Variants in ITGA9 observed in about 807,000 individuals in gnomAD.
ITGA9 encodes the protein integrin alpha-9.
ITGA9 carries 56 observed loss-of-function variants against 127.8 expected under a neutral mutation model. The observed-to-expected ratio is 0.44, with a 90% CI of 0.35 to 0.55. The LOEUF is 0.55. Ranked by LOEUF, ITGA9 falls within the 20% of genes least tolerant of loss-of-function variation. The pLI, the probability that ITGA9 is intolerant of heterozygous loss-of-function variation, is 0.00. For missense variants in ITGA9, 1,196 were observed against 1,347.1 expected (o/e 0.89, Z 1.76); for synonymous variants, 508 against 514.5 (o/e 0.99, Z 0.17).
intron 5 of ITGA9, among the ~76,000 whole-genome samples, chr3:37,498,366 G>GGAGATGTTGACA (rs1281826644): frequency 2.6e-5 from 4 of 152,162 alleles, no homozygotes; most frequent in African/African-American, 9.7e-5. Context: ...AGAACTCAAC[G>GGAGATGTTGACA]GAGATGTTGA....
intron 23 of ITGA9, among the ~76,000 whole-genome samples, chr3:37,755,416 G>T: frequency 6.6e-6 from 1 of 152,146 alleles, no homozygotes; most frequent in South Asian, 2.1e-4. Flanking sequence ...CAACACCAGG[G>T]CAGAGAGGCA....
intron 1 of ITGA9, among the ~76,000 whole-genome samples, chr3:37,464,044 T>C (rs144776745): frequency 9.2e-5 from 14 of 152,168 alleles, no homozygotes; most frequent in Non-Finnish European, 1.6e-4. Context: ...GATACAAGGA[T>C]CAGTGACAAG....
At chr3:37,498,945 T>G (rs749786553) in intron 5 of ITGA9, among the ~76,000 whole-genome samples, 5 of 152,246 alleles carry the variant, frequency 3.3e-5, no homozygotes, top group Non-Finnish European at 7.3e-5. Flanking sequence ...CCACTTGGGC[T>G]TGCCTTTTCT....
chr3:37,819,096 C>A lies in ITGA9; in HGVS notation c.*107C>A. ...TTCTCCAGATTTTTCGGAGGCCCCA[C>A]TGATGCTGTTCTCTTCTTCATTCTA... On this transcript the variant is annotated 3_prime_UTR_variant, in exon 28 of 28. Coordinates refer to ENST00000264741, the MANE Select transcript of ITGA9 (RefSeq NM_002207.3). The A allele has an allele frequency of 2.4e-6, 2 of 845,878 alleles. No homozygotes were observed. The highest frequency in any genetic ancestry group is 4.0e-6 in the Non-Finnish European group (2 of 502,860). 52.4% of individuals were successfully genotyped at this position (845,878 alleles called of 1,614,324 possible).
chr3:37,784,973 A>T lies in ITGA9; in HGVS notation c.2788-4A>T. 6.2e-7 allele frequency: 1 copy of T among 1,611,336 alleles called. No individual in the cohort carries two copies. The highest frequency in any genetic ancestry group is 8.5e-7 in the Non-Finnish European group (1 of 1,177,448). Reference sequence around the variant, plus strand: ...TCAAGTAAGTTGTGTTGTTTCTTCCACAGGACAGTTCGTCTGTCATCCAGT... The same window carrying T: ...TCAAGTAAGTTGTGTTGTTTCTTCCTCAGGACAGTTCGTCTGTCATCCAGT... On this transcript the variant is annotated splice_region_variant and splice_polypyrimidine_tract_variant and intron_variant, in intron 25 of 27. Coordinates refer to ENST00000264741, the MANE Select transcript of ITGA9 (RefSeq NM_002207.3).
intron 1 of ITGA9, among the ~76,000 whole-genome samples, chr3:37,466,483 C>CAAAAAAAAAA (rs60980366): frequency 0.019 from 484 of 26,056 alleles, 136 homozygotes; most frequent in African/African-American, 0.022. Flanking sequence ...GACACCATCT[C>CAAAAAAAAAA]AAAAAAAAAA....
At chr3:37,690,645 A>C (rs1700822609) in intron 18 of ITGA9, among the ~76,000 whole-genome samples, 1 of 152,188 alleles carries the variant, frequency 6.6e-6, no homozygotes, top group Non-Finnish European at 1.5e-5. Flanking sequence ...TGCAAACAGG[A>C]TGCAACAGCT....
At chr3:37,532,894 G>A (rs1397043744) in intron 13 of ITGA9, among the ~76,000 whole-genome samples, 1 of 152,206 alleles carries the variant, frequency 6.6e-6, no homozygotes, top group African/African-American at 2.4e-5. Context: ...GGCAGCAAAT[G>A]CTTGAGGGAA....
chr3:37,778,741 CT>C (rs11356780), intron 24 of ITGA9, among the ~76,000 whole-genome samples: 56,314 of 151,754 alleles, frequency 0.37, 11,034 homozygotes, highest in Non-Finnish European at 0.43. Context: ...CCAAAGCCTC[CT>C]TTTTTTTATC....
intron 22 of ITGA9, chr3:37,748,697 G>T: frequency 3.7e-6 from 2 of 544,468 alleles, no homozygotes; most frequent in South Asian, 4.4e-5. Flanking sequence ...GCAGTGAGCC[G>T]AGGTTGGCCC....
intron 15 of ITGA9, among the ~76,000 whole-genome samples, chr3:37,558,806 G>C (rs1009840964): frequency 2.0e-5 from 3 of 152,242 alleles, no homozygotes; most frequent in Admixed American, 2.0e-4. Context: ...TGTGTGAAAC[G>C]TACTCCATTT....
chr3:37,711,529 G>A (rs1701079665), intron 18 of ITGA9, among the ~76,000 whole-genome samples: 1 of 152,156 alleles, frequency 6.6e-6, no homozygotes, highest in South Asian at 2.1e-4. Context: ...TCAGCCTCTG[G>A]AGTAGCTGGG....
intron 18 of ITGA9, among the ~76,000 whole-genome samples, chr3:37,707,664 T>C (rs917761027): frequency 1.3e-5 from 2 of 152,248 alleles, no homozygotes; most frequent in Non-Finnish European, 2.9e-5. Context: ...TTCCGGTAGA[T>C]GAACTTGAGC....
chr3:37,658,147 G>T (rs1700496352), intron 17 of ITGA9, among the ~76,000 whole-genome samples: 1 of 152,204 alleles, frequency 6.6e-6, no homozygotes, highest in African/African-American at 2.4e-5. Flanking sequence ...ATGAGGTACT[G>T]AGAAGAATGT....
intron 13 of ITGA9, among the ~76,000 whole-genome samples, chr3:37,527,587 C>T (rs1481561834): frequency 2.0e-5 from 3 of 152,114 alleles, no homozygotes; most frequent in African/African-American, 4.8e-5. Flanking sequence ...TCTTTATCAG[C>T]GCTTCCTCTG....
chr3:37,590,317 G>A (rs1699803277), intron 15 of ITGA9, among the ~76,000 whole-genome samples: 2 of 152,174 alleles, frequency 1.3e-5, no homozygotes. Context: ...CCGCTGAGCA[G>A]TGGGACAGAG....
intron 1 of ITGA9, among the ~76,000 whole-genome samples, chr3:37,453,145 C>A (rs948598938): frequency 1.3e-5 from 2 of 150,374 alleles, no homozygotes; most frequent in Admixed American, 6.7e-5. Flanking sequence ...CCTACAAGAC[C>A]CTGGGTGGAA....
intron 7 of ITGA9, 62 bp downstream of exon 7, chr3:37,506,147 G>C: frequency 2.4e-6 from 3 of 1,250,514 alleles, no homozygotes; most frequent in Non-Finnish European, 3.4e-6. Flanking sequence ...TGCTGTCCCT[G>C]GTGCAGAGGT....
intron 15 of ITGA9, among the ~76,000 whole-genome samples, chr3:37,595,399 G>C (rs1699859832): frequency 6.6e-6 from 1 of 152,176 alleles, no homozygotes. Flanking sequence ...GGGACCAGAT[G>C]GGAGTCCGAA....
Sources: allele counts gnomAD v4.1 joint callset (sites outside exome capture counted in the v4.1 genomes callset), GRCh38; gene constraint gnomAD v4.1.1; transcripts MANE v1.5; gene names NCBI Gene and HGNC (gene_info 2026-07-23, HGNC 2026-07-21).